Variants in RPS6KC1 observed in about 807,000 individuals in gnomAD.
The protein encoded by RPS6KC1 is ribosomal protein S6 kinase C1.
RPS6KC1 carries 54 observed loss-of-function variants against 103.8 expected under a neutral mutation model. That is an observed-to-expected ratio of 0.52 (90% CI 0.42 to 0.65). The LOEUF is 0.65. Ranked by LOEUF, RPS6KC1 falls within the 30% of genes least tolerant of loss-of-function variation. The probability of loss-of-function intolerance (pLI) is 0.00; values close to 1 mark genes in which losing one functional copy is unlikely to be tolerated. For synonymous variants in RPS6KC1, 439 were observed against 438.7 expected (o/e 1.00, Z -0.01); for missense variants, 1,151 against 1,253.8 (o/e 0.92, Z 1.24).
the RPS6KC1 span, among the ~76,000 whole-genome samples, chr1:213,565,730 C>A: frequency 6.6e-6 from 1 of 152,054 alleles, no homozygotes; most frequent in African/African-American, 2.4e-5. Flanking sequence ...TCATTGCATG[C>A]AAATTTGATA....
the RPS6KC1 span, among the ~76,000 whole-genome samples, chr1:213,463,144 A>T: frequency 2.0e-5 from 3 of 152,228 alleles, no homozygotes; most frequent in Non-Finnish European, 2.9e-5. Context: ...TTCAAACAAC[A>T]CAAAGCTGAA....
At chr1:213,339,958 T>A in the RPS6KC1 span, among the ~76,000 whole-genome samples, 2 of 152,016 alleles carry the variant, frequency 1.3e-5, no homozygotes, top group East Asian at 3.9e-4. Context: ...AATGGCGCGA[T>A]CTTGGCTCAC....
At chr1:213,191,524 T>A (rs2092744447) in intron 8 of RPS6KC1, among the ~76,000 whole-genome samples, 1 of 152,172 alleles carries the variant, frequency 6.6e-6, no homozygotes, top group Non-Finnish European at 1.5e-5. Context: ...TTGTCAGTTG[T>A]AATAGTTTTT....
intron 3 of RPS6KC1, among the ~76,000 whole-genome samples, chr1:213,091,048 T>G (rs1455133643): frequency 1.3e-5 from 2 of 151,776 alleles, no homozygotes; most frequent in African/African-American, 4.8e-5. Flanking sequence ...ATAATGCAGT[T>G]GAAAAAGGGA....
chr1:213,737,057 G>A, the RPS6KC1 span, among the ~76,000 whole-genome samples: 8 of 152,192 alleles, frequency 5.3e-5, no homozygotes, highest in South Asian at 2.1e-4. Context: ...TTGCTCATAC[G>A]TGGTGCATTT....
At chr1:213,618,961 G>A in the RPS6KC1 span, among the ~76,000 whole-genome samples, 1 of 152,178 alleles carries the variant, frequency 6.6e-6, no homozygotes, top group Non-Finnish European at 1.5e-5. Context: ...TGCAGTGATG[G>A]CGACACACAC....
the RPS6KC1 span, among the ~76,000 whole-genome samples, chr1:213,289,924 A>G: frequency 1.3e-5 from 2 of 152,088 alleles, no homozygotes; most frequent in East Asian, 3.9e-4. Flanking sequence ...CTGTGATCCC[A>G]GCTACTCGGG....
At chr1:213,128,579 A>C (rs534369938) in intron 5 of RPS6KC1, among the ~76,000 whole-genome samples, 1 of 152,210 alleles carries the variant, frequency 6.6e-6, no homozygotes, top group Non-Finnish European at 1.5e-5. Flanking sequence ...TTTCACTGCT[A>C]AATAATTCAG....
At chr1:213,347,631 G>A in the RPS6KC1 span, among the ~76,000 whole-genome samples, 1 of 152,138 alleles carries the variant, frequency 6.6e-6, no homozygotes, top group Admixed American at 6.5e-5. Context: ...TTGAGCCCAG[G>A]AGTTCAAGAT....
the RPS6KC1 span, among the ~76,000 whole-genome samples, chr1:213,656,545 GAA>G: frequency 2.6e-5 from 4 of 152,134 alleles, no homozygotes; most frequent in African/African-American, 9.7e-5. Flanking sequence ...CATTTTTACC[GAA>G]GAGTCAAACA....
the RPS6KC1 span, among the ~76,000 whole-genome samples, chr1:213,715,214 A>G: frequency 3.9e-5 from 6 of 152,214 alleles, no homozygotes; most frequent in Non-Finnish European, 5.9e-5. Context: ...GTGGCTATAC[A>G]TGTTATAAAA....
At chr1:213,567,388 C>A in the RPS6KC1 span, among the ~76,000 whole-genome samples, 1 of 152,142 alleles carries the variant, frequency 6.6e-6, no homozygotes, top group South Asian at 2.1e-4. Flanking sequence ...ACCTAACTCC[C>A]GACTCCATGT....
chr1:213,640,736 T>C, the RPS6KC1 span, among the ~76,000 whole-genome samples: 4 of 151,966 alleles, frequency 2.6e-5, no homozygotes, highest in Non-Finnish European at 4.4e-5. Flanking sequence ...AATTTCATCA[T>C]GGTCAAAAAA....
At position 213,084,260 on chromosome 1, in the gene RPS6KC1, TTTTC is replaced by T. The variant is rs1018523375; in HGVS notation, c.262+6456_262+6459del. Among the ~76,000 whole-genome samples, 8 of 152,170 alleles carry T rather than the reference TTTTC, an allele frequency of 5.3e-5. No individual in the cohort carries two copies. The South Asian group carries it at 6.2e-4, about 12-fold the overall frequency. ...TTATTTTAAGTTTTAATTTCTTAACTTTTCTTTCTTTCTTTTCTAACTTTTTTGA... is the reference window on the plus strand; with the variant it reads ...TTATTTTAAGTTTTAATTTCTTAACTTTTCTTTCTTTTCTAACTTTTTTGA... On this transcript the variant is annotated intron_variant, in intron 3 of 14. Transcript: ENST00000366960.
chr1:213,786,813 CT>C, the RPS6KC1 span, among the ~76,000 whole-genome samples: 1 of 152,166 alleles, frequency 6.6e-6, no homozygotes, highest in Non-Finnish European at 1.5e-5. Flanking sequence ...CCCAAATCTT[CT>C]TCCTCAGTGA....
chr1:213,410,183 G>A, the RPS6KC1 span, among the ~76,000 whole-genome samples: 2 of 152,288 alleles, frequency 1.3e-5, no homozygotes, highest in East Asian at 3.9e-4. Flanking sequence ...AGAGACTTGA[G>A]CATGTTTAGG....
chr1:213,600,453 A>C, the RPS6KC1 span, among the ~76,000 whole-genome samples: 1 of 152,208 alleles, frequency 6.6e-6, no homozygotes, highest in Non-Finnish European at 1.5e-5. Flanking sequence ...TTCTGGGAAC[A>C]TAACTTGTTT....
chr1:213,831,671 T>C, the RPS6KC1 span, among the ~76,000 whole-genome samples: 2 of 152,182 alleles, frequency 1.3e-5, no homozygotes, highest in South Asian at 4.1e-4. Context: ...CCAATAATAA[T>C]TAATGTAACA....
the RPS6KC1 span, among the ~76,000 whole-genome samples, chr1:213,487,797 A>C: frequency 1.0e-3 from 158 of 152,292 alleles, 2 homozygotes; most frequent in South Asian, 0.01. Flanking sequence ...AAGACAAGCA[A>C]AGCACCTAGA....
Sources: gnomAD v4.1 joint callset for allele counts (sites outside exome capture counted in the v4.1 genomes callset) on GRCh38, gnomAD v4.1.1 for gene constraint, MANE v1.5 for transcripts, NCBI Gene and HGNC (gene_info 2026-07-23, HGNC 2026-07-21) for gene names.